Variants in MAD1L1 observed in about 807,000 individuals in gnomAD.
MAD1L1 encodes the protein mitotic spindle assembly checkpoint protein MAD1.
In MAD1L1, 95 loss-of-function variants were observed where a neutral mutation model predicts 96.9. That is an observed-to-expected ratio of 0.98 (90% confidence interval 0.83 to 1.16). The LOEUF (loss-of-function observed/expected upper bound fraction) is 1.16. MAD1L1 is among the 50% of genes most tolerant of loss of function. The pLI is 0.00. For synonymous variants in MAD1L1, 473 were observed against 396.6 expected, an observed-to-expected ratio of 1.19 and a Z score of -2.29; for missense variants, 1,007 against 954.4, an observed-to-expected ratio of 1.06 and a Z score of -0.73.
At position 2,003,697 on chromosome 7, in the gene MAD1L1, C is replaced by T. The variant is rs1781905385; in HGVS notation, c.1360-1576G>A. Among the ~76,000 whole-genome samples, 3 of 152,190 alleles carry T rather than the reference C, an allele frequency of 2.0e-5. No homozygotes were observed. In the South Asian group the frequency reaches 6.2e-4, roughly 32 times the overall value. On this transcript the variant is annotated intron_variant, in intron 13 of 18. Coordinates refer to ENST00000265854, the MANE Select transcript of MAD1L1 (RefSeq NM_001013836.2). ...GCAACGCCTGTGGATGAGGGGAAGGCCTTGAGCTCTGCCCATGACCAGCCC... is the reference window on the plus strand; with the variant it reads ...GCAACGCCTGTGGATGAGGGGAAGGTCTTGAGCTCTGCCCATGACCAGCCC...
chr7:2,053,667 G>A (rs1784278753), intron 12 of MAD1L1, among the ~76,000 whole-genome samples: 1 of 152,164 alleles, frequency 6.6e-6, no homozygotes, highest in Non-Finnish European at 1.5e-5. Flanking sequence ...TTATGGGGGT[G>A]CCCCAGGCCA....
chr7:1,909,329 A>T (rs561922164), intron 17 of MAD1L1, among the ~76,000 whole-genome samples: 1 of 152,234 alleles, frequency 6.6e-6, no homozygotes, highest in South Asian at 2.1e-4. Context: ...CCCAGGCCCA[A>T]TGCCGAGCCA....
At chr7:1,817,495 A>G (rs1781876684) in intron 18 of MAD1L1, 3 of 152,202 alleles carry the variant, frequency 2.0e-5, no homozygotes, top group African/African-American at 4.8e-5. Context: ...ACTCTGATAC[A>G]CGCTGCCACG....
chr7:2,075,099 G>A (rs572980646), intron 11 of MAD1L1, among the ~76,000 whole-genome samples: 5 of 152,326 alleles, frequency 3.3e-5, no homozygotes, highest in Admixed American at 1.3e-4. Flanking sequence ...TCCATGAGGT[G>A]CCGGCGTCTC....
chr7:2,028,947 A>G (rs1206626654), intron 12 of MAD1L1, among the ~76,000 whole-genome samples: 1 of 152,202 alleles, frequency 6.6e-6, no homozygotes, highest in Non-Finnish European at 1.5e-5. Flanking sequence ...TGCCACGGTC[A>G]GTGTGAAGAA....
intron 11 of MAD1L1, among the ~76,000 whole-genome samples, chr7:2,082,579 G>A (rs1405908693): frequency 1.3e-5 from 2 of 152,226 alleles, no homozygotes; most frequent in Non-Finnish European, 2.9e-5. Context: ...AGAGGCAGCA[G>A]GCCAAGTGGA....
chr7:2,109,111 G>A (rs901180341), intron 11 of MAD1L1, among the ~76,000 whole-genome samples: 6 of 152,200 alleles, frequency 3.9e-5, no homozygotes, highest in African/African-American at 7.2e-5. Flanking sequence ...CACCCACTTC[G>A]GATTCCCATC....
At chr7:2,014,678 AC>A in intron 12 of MAD1L1, 36 bp from the exon 13 acceptor site, 1 of 1,572,032 alleles carries the variant, frequency 6.4e-7, no homozygotes, top group Non-Finnish European at 8.6e-7. Flanking sequence ...AGGACCCGGG[AC>A]GGGGGATGAG....
intron 18 of MAD1L1, among the ~76,000 whole-genome samples, chr7:1,830,976 G>A (rs560249764): frequency 6.6e-6 from 1 of 152,340 alleles, no homozygotes; most frequent in South Asian, 2.1e-4. Context: ...TTAAGACTCA[G>A]CTATATCCTG....
chr7:1,983,138 G>A (rs1469180109), intron 14 of MAD1L1, among the ~76,000 whole-genome samples: 28 of 108,514 alleles, frequency 2.6e-4, no homozygotes, highest in African/African-American at 3.8e-4. Flanking sequence ...ACAGACGCGC[G>A]CGCGCGCGCG....
intron 11 of MAD1L1, among the ~76,000 whole-genome samples, chr7:2,144,046 G>A (rs1418619075): frequency 2.6e-5 from 4 of 152,312 alleles, no homozygotes; most frequent in African/African-American, 7.2e-5. Flanking sequence ...AAGCCGAGAC[G>A]GCAGCCACAC....
chr7:2,132,036 C>T (rs1204517725), intron 11 of MAD1L1, among the ~76,000 whole-genome samples: 1 of 152,222 alleles, frequency 6.6e-6, no homozygotes, highest in African/African-American at 2.4e-5. Context: ...CTCTCTTCTC[C>T]AAGCAGTCAG....
intron 18 of MAD1L1, among the ~76,000 whole-genome samples, chr7:1,831,428 CT>C: frequency 6.6e-6 from 1 of 152,130 alleles, no homozygotes. Flanking sequence ...TCCCCATTTC[CT>C]GAGACACGAC....
At chr7:1,871,119 A>T (rs1785061896) in intron 18 of MAD1L1, among the ~76,000 whole-genome samples, 1 of 144,408 alleles carries the variant, frequency 6.9e-6, no homozygotes, top group Non-Finnish European at 1.5e-5. Flanking sequence ...AACACCTGCC[A>T]CACTGAACCC....
intron 15 of MAD1L1, among the ~76,000 whole-genome samples, chr7:1,970,525 G>C (rs777930597): frequency 3.3e-5 from 5 of 151,898 alleles, no homozygotes; most frequent in African/African-American, 4.8e-5. Flanking sequence ...GTAGAGACGG[G>C]GTTTCGCTAT....
At chr7:2,156,092 C>A (rs1418187815) in intron 10 of MAD1L1, among the ~76,000 whole-genome samples, 3 of 151,972 alleles carry the variant, frequency 2.0e-5, no homozygotes, top group Non-Finnish European at 4.4e-5. Flanking sequence ...GGACAGTGGG[C>A]GCATGGTTTC....
At chr7:2,027,140 C>T (rs1226123520) in intron 12 of MAD1L1, among the ~76,000 whole-genome samples, 1 of 151,986 alleles carries the variant, frequency 6.6e-6, no homozygotes, top group African/African-American at 2.4e-5. Flanking sequence ...TAAAAACTAA[C>T]TTTTACCACA....
chr7:1,921,678 C>CA lies in MAD1L1; in HGVS notation c.1807+15008dup, dbSNP rs558352559. On this transcript the variant is annotated intron_variant, in intron 17 of 18. Transcript: ENST00000265854. ...TAAACAGGTAAGAAAACCTTTAAGT[C>CA]AAAAAAAAGGATAAATGAAATTAAA... Among the ~76,000 whole-genome samples, 445 of 150,152 alleles carry CA rather than the reference C, an allele frequency of 3.0e-3. 1 individual carries two copies. Among genetic ancestry groups the CA allele is most frequent in the Non-Finnish European group, 4.9e-3 (330 of 67,536 alleles).
chr7:2,210,023 C>T (rs915869552), intron 10 of MAD1L1: 1 of 152,248 alleles, frequency 6.6e-6, no homozygotes, highest in East Asian at 1.9e-4. Context: ...AGAACTACCC[C>T]AAACCTGGTC....
Sources: allele counts gnomAD v4.1 joint callset (sites outside exome capture counted in the v4.1 genomes callset), GRCh38; gene constraint gnomAD v4.1.1; transcripts MANE v1.5; gene names NCBI Gene and HGNC (gene_info 2026-07-23, HGNC 2026-07-21).